The following SENP6 variants were observed in gnomAD, a reference collection of about 807,000 sequenced individuals.
SENP6 encodes the protein SUMO specific peptidase 6.
In SENP6, 41 loss-of-function variants were observed where a neutral mutation model predicts 134.5. That is an observed-to-expected ratio of 0.30 (90% CI 0.24 to 0.40). The LOEUF (loss-of-function observed/expected upper bound fraction) is 0.40, where lower values mean the gene tolerates loss of function less well. SENP6 is among the 10% of genes least tolerant of loss of function. The pLI is 1.00. For missense variants in SENP6, 1,248 were observed against 1,312.5 expected (o/e 0.95, Z 0.76); for synonymous variants, 395 against 429.8 (o/e 0.92, Z 1.00).
intron 16 of SENP6, chr6:75,679,686 T>C (rs768213719): frequency 2.0e-5 from 3 of 152,224 alleles, no homozygotes; most frequent in Non-Finnish European, 4.4e-5. Context: ...AACACATGTA[T>C]ACACCTATGT....
At chr6:75,611,603 G>A (rs1482624834) in intron 1 of SENP6, 1 of 152,124 alleles carries the variant, frequency 6.6e-6, no homozygotes, top group Non-Finnish European at 1.5e-5. Context: ...AAAGCATAAG[G>A]AACATTTGGA....
chr6:75,717,378 C>T lies in SENP6; in HGVS notation c.*1784C>T, dbSNP rs541878694. Reference sequence around the variant, plus strand: ...ATTTGTAATGCTTACATTTTGCACCCTTAGATAATGTTTGATAAGATAAAA... The same window carrying T: ...ATTTGTAATGCTTACATTTTGCACCTTTAGATAATGTTTGATAAGATAAAA... On this transcript the variant is annotated 3_prime_UTR_variant, in exon 24 of 24. Coordinates refer to ENST00000447266, the MANE Select transcript of SENP6 (RefSeq NM_015571.4). 1 of 151,998 alleles carries T rather than the reference C, an allele frequency of 6.6e-6. No individual in the cohort carries two copies. Among genetic ancestry groups the T allele is most frequent in the South Asian group, 2.1e-4 (1 of 4,828 alleles). 9.4% of individuals were successfully genotyped at this position (151,998 alleles called of 1,614,324 possible).
At chr6:75,631,834 T>C (rs1467777371) in intron 3 of SENP6, among the ~76,000 whole-genome samples, 2 of 152,202 alleles carry the variant, frequency 1.3e-5, no homozygotes, top group Non-Finnish European at 2.9e-5. Flanking sequence ...ATGTATTTCA[T>C]AGATTGATAT....
chr6:75,615,426 C>T (rs1767780707), intron 1 of SENP6, among the ~76,000 whole-genome samples: 1 of 152,086 alleles, frequency 6.6e-6, no homozygotes, highest in Non-Finnish European at 1.5e-5. Flanking sequence ...GTGATCCACC[C>T]ACCTCGCCCT....
At chr6:75,638,036 G>A (rs1412776354) in intron 5 of SENP6, among the ~76,000 whole-genome samples, 1 of 151,792 alleles carries the variant, frequency 6.6e-6, no homozygotes, top group Non-Finnish European at 1.5e-5. Context: ...GTGTGTGTGT[G>A]TTTTTAGTAG....
At chr6:75,644,263 C>A (rs2149846185) in intron 6 of SENP6, 1 of 151,584 alleles carries the variant, frequency 6.6e-6, no homozygotes, top group East Asian at 1.9e-4. Flanking sequence ...CGGGAGCCAA[C>A]TAAAAGGGCT....
chr6:75,627,779 G>A (rs1380050448), intron 3 of SENP6, among the ~76,000 whole-genome samples: 3 of 152,036 alleles, frequency 2.0e-5, no homozygotes, highest in African/African-American at 7.2e-5. Context: ...GGGTTCAAGG[G>A]ATTCTCCTGC....
intron 6 of SENP6, among the ~76,000 whole-genome samples, chr6:75,644,475 C>CTTTTTTTTTTT (rs71002753): frequency 3.5e-4 from 50 of 143,320 alleles, no homozygotes; most frequent in African/African-American, 3.8e-4. Context: ...TTCTTTCTTT[C>CTTTTTTTTTTT]TTTTTTTTTT....
At chr6:75,702,131 T>C (rs969818780) in intron 18 of SENP6, among the ~76,000 whole-genome samples, 2 of 152,042 alleles carry the variant, frequency 1.3e-5, no homozygotes, top group African/African-American at 2.4e-5. Context: ...CAAACTGTGT[T>C]ATTTTTGAAT....
Position 75,620,316 on chromosome 6 carries a change from G to T in SENP6, c.53-1216G>T, listed in dbSNP as rs535765969. On this transcript the variant is annotated intron_variant, in intron 1 of 23. Transcript: ENST00000447266. Reference sequence around the variant, plus strand: ...AGGGATTTCCTGTCTTAGTTCATTCGGGCTGCTGTATTGAAGTCCATAGAC... The same window carrying T: ...AGGGATTTCCTGTCTTAGTTCATTCTGGCTGCTGTATTGAAGTCCATAGAC... Among the ~76,000 whole-genome samples, 5 of 152,004 alleles carry T rather than the reference G, an allele frequency of 3.3e-5. No individual in the cohort carries two copies. In the South Asian group the frequency reaches 1.0e-3, roughly 32 times the overall value.
rs777054028 is a variant in SENP6 at position 75,711,400 on chromosome 6, C to A, written c.2893C>A (p.Pro965Thr). The change falls in exon 21 of 24, where the codon CCT (proline) becomes ACT (threonine). Residue 965 changes from proline (P) to threonine (T), a missense_variant. By Grantham distance (38) the Pro-to-Thr change is conservative. Transcript: ENST00000447266. ...SSEIGQWHLK[P>T]TICKQPCILL... is the part of the protein sequence containing the mutation. The stretch of plus-strand genomic sequence containing the variant: ...AGAAATAGGACAGTGGCATTTAAAG[C>A]CTACTATCTGTAAACAGTAAGCATT... 1.8e-5 allele frequency: 29 copies of A among 1,610,138 alleles called. No individual in the cohort carries two copies. The highest frequency in any genetic ancestry group is 2.4e-5 in the Non-Finnish European group (28 of 1,177,056).
intron 1 of SENP6, among the ~76,000 whole-genome samples, chr6:75,613,360 C>CA (rs1767605077): frequency 6.6e-6 from 1 of 152,028 alleles, no homozygotes; most frequent in South Asian, 2.1e-4. Flanking sequence ...GAAATGGCAA[C>CA]GTTGAGTAAC....
intron 1 of SENP6, among the ~76,000 whole-genome samples, chr6:75,617,399 G>A (rs1767943580): frequency 6.7e-6 from 1 of 149,436 alleles, no homozygotes. Context: ...TCAGCCTCCT[G>A]AGTAGGTGGG....
Position 75,702,762 on chromosome 6 carries a change from T to C in SENP6, c.2406T>C (p.Ser802=). The C allele has an allele frequency of 1.2e-6, 2 of 1,614,078 alleles. No homozygotes were observed. Among genetic ancestry groups the C allele is most frequent in the Non-Finnish European group, 1.7e-6 (2 of 1,179,978 alleles). Reference sequence around the variant, plus strand: ...AGAAATGTTCAACTGTAGAGGACAGTTGTATTTCTTCTTCAGCCAGTGAAA... The same window carrying C: ...AGAAATGTTCAACTGTAGAGGACAGCTGTATTTCTTCTTCAGCCAGTGAAA... The part of the protein sequence containing the change: ...VIQKCSTVED[S]CISSSASEME... Residue 802 remains serine (S), a synonymous_variant, in exon 19 of 24, where the codon AGT becomes AGC. Transcript: ENST00000447266.
intron 5 of SENP6, among the ~76,000 whole-genome samples, chr6:75,638,610 ATATATATATATATT>A (rs1561992789): frequency 8.0e-4 from 39 of 48,860 alleles, no homozygotes; most frequent in African/African-American, 2.5e-3. Context: ...ATATATATAT[ATATATATATATATT>A]TTTTTTTTTT....
In SENP6 at chr6:75,644,730, CGGCCT is replaced by C; in HGVS notation, c.480-3000_480-2996del. Reference sequence around the variant, plus strand: ...GAACTCCTGGCCTCAAGTGATCTGACGGCCTTGGCCTCCCAAAGTGTTGGGATTAC... The same window carrying C: ...GAACTCCTGGCCTCAAGTGATCTGACTGGCCTCCCAAAGTGTTGGGATTAC... On this transcript the variant is annotated intron_variant, in intron 6 of 23. Transcript: ENST00000447266. 2.0e-5 allele frequency among the ~76,000 whole-genome samples: 3 copies of C among 152,312 alleles called. No individual in the cohort carries two copies. In the South Asian group the frequency reaches 6.2e-4, roughly 32 times the overall value.
chr6:75,675,912 A>G lies in SENP6; in HGVS notation c.1479A>G (p.Lys493=), dbSNP rs1463763678. 10 of 1,611,392 alleles carry G rather than the reference A, an allele frequency of 6.2e-6. 1 individual carries two copies. The highest frequency in any genetic ancestry group is 8.5e-6 in the Non-Finnish European group (10 of 1,178,982). The part of the protein sequence containing the change: ...EIILNTSDLT[K]CEWCNVRKLP... ...TATTAAATACCTCTGATCTAACTAAATGTGAATGGTGTAATGTCCGAAAAT... is the reference window on the plus strand; with the variant it reads ...TATTAAATACCTCTGATCTAACTAAGTGTGAATGGTGTAATGTCCGAAAAT... Residue 493 remains lysine, a synonymous_variant, in exon 13 of 24, where the codon AAA becomes AAG. Coordinates refer to ENST00000447266, the MANE Select transcript of SENP6 (RefSeq NM_015571.4).
intron 21 of SENP6, among the ~76,000 whole-genome samples, chr6:75,712,757 A>T (rs1202290709): frequency 2.0e-5 from 3 of 152,136 alleles, no homozygotes; most frequent in Non-Finnish European, 4.4e-5. Flanking sequence ...TTCTAAACTA[A>T]TTATTTCATG....
In SENP6 at chr6:75,602,504, A is replaced by C. The variant is rs1239288093; in HGVS notation, c.-21A>C. ...CGGTGTGGGCCATGGATTAAGAAGGAGGCGGCGTGGGAGGAGGAAGATGGC... is the reference window on the plus strand; with the variant it reads ...CGGTGTGGGCCATGGATTAAGAAGGCGGCGGCGTGGGAGGAGGAAGATGGC... On this transcript the variant is annotated 5_prime_UTR_variant, in exon 1 of 24. Transcript: ENST00000447266. 4.5e-6 allele frequency: 7 copies of C among 1,550,860 alleles called. No individual in the cohort carries two copies. Among genetic ancestry groups the C allele is most frequent in the Non-Finnish European group, 6.1e-6 (7 of 1,146,840 alleles).
Sources: gnomAD v4.1 joint callset for allele counts (sites outside exome capture counted in the v4.1 genomes callset) on GRCh38, gnomAD v4.1.1 for gene constraint, MANE v1.5 for transcripts, NCBI Gene and HGNC (gene_info 2026-07-23, HGNC 2026-07-21) for gene names.